ATP9B: variants seen among roughly 807,000 people sequenced by gnomAD.
ATP9B encodes the protein ATPase phospholipid transporting 9B.
A neutral mutation model predicts 146.1 loss-of-function variants in ATP9B; 110 were observed. The observed-to-expected ratio is 0.75, with a 90% CI of 0.65 to 0.88. The LOEUF (loss-of-function observed/expected upper bound fraction) is 0.88. Ranked by LOEUF, ATP9B falls within the 40% of genes least tolerant of loss-of-function variation. The pLI is 0.00. For synonymous variants in ATP9B, 604 were observed against 569.7 expected (o/e 1.06, Z -0.86); for missense variants, 1,499 against 1,496.4 (o/e 1.00, Z -0.03).
rs1207525590 is a variant in ATP9B, at chr18:79,113,416, T to G, written c.558+62T>G. ...AATATTTAGAATATAGTTTTAAGAG[T>G]TGAGATGGTTAAAAGTTAAATTGAC... On this transcript the variant is annotated intron_variant, in intron 4 of 29. Transcript: ENST00000426216. 9 of 1,052,950 alleles carry G rather than the reference T, an allele frequency of 8.5e-6. No individual in the cohort carries two copies. In the East Asian group the frequency reaches 1.8e-4, roughly 22 times the overall value. 65.2% of individuals were successfully genotyped at this position (1,052,950 alleles called of 1,614,324 possible).
chr18:79,245,603 G>GGAGGGCACCGCCCTAATGACTGTGCA (rs2095939990), intron 11 of ATP9B, among the ~76,000 whole-genome samples: 1 of 96,384 alleles, frequency 1.0e-5, no homozygotes, highest in East Asian at 3.5e-4. Flanking sequence ...ATGACTGTGC[G>GGAGGGCACCGCCCTAATGACTGTGCA]GAGGGTACCA....
intron 12 of ATP9B, among the ~76,000 whole-genome samples, chr18:79,263,667 GTAT>G (rs1318260910): frequency 1.3e-5 from 2 of 152,222 alleles, no homozygotes; most frequent in Non-Finnish European, 2.9e-5. Context: ...ACACTCCAGT[GTAT>G]TCAGTGATCC....
chr18:79,235,429 C>T (rs1391168122), intron 11 of ATP9B, among the ~76,000 whole-genome samples: 1 of 152,118 alleles, frequency 6.6e-6, no homozygotes, highest in African/African-American at 2.4e-5. Flanking sequence ...TACTTGTTTT[C>T]TGTGACACTT....
At chr18:79,345,938 C>G in intron 23 of ATP9B, 99 bp downstream of exon 23, 1 of 1,299,770 alleles carries the variant, frequency 7.7e-7, no homozygotes, top group Non-Finnish European at 1.1e-6. Flanking sequence ...CCTACTTGGT[C>G]AGTGCACGTC....
intron 13 of ATP9B, among the ~76,000 whole-genome samples, chr18:79,283,021 T>G (rs1332748558): frequency 1.3e-5 from 2 of 152,252 alleles, no homozygotes; most frequent in Non-Finnish European, 2.9e-5. Context: ...CTTGCCTTTG[T>G]GAGGCCTCTA....
chr18:79,339,367 T>C (rs1543069), intron 19 of ATP9B, among the ~76,000 whole-genome samples: 134,098 of 149,654 alleles, frequency 0.9, 60,223 homozygotes, highest in East Asian at 1. Context: ...CTATCATATC[T>C]GTCTGAGATC....
intron 2 of ATP9B, among the ~76,000 whole-genome samples, chr18:79,098,398 A>T (rs200318177): frequency 6.9e-6 from 1 of 145,328 alleles, no homozygotes; most frequent in South Asian, 2.3e-4. Flanking sequence ...TAATTAAACT[A>T]AAGAGCTTCT....
chr18:79,253,287 T>C lies in ATP9B; in HGVS notation c.1108-94T>C, dbSNP rs994897802. The C allele has an allele frequency of 3.7e-6, 4 of 1,072,166 alleles. 1 individual carries two copies. In the African/African-American group the frequency reaches 6.6e-5, roughly 18 times the overall value. 66.4% of individuals were successfully genotyped at this position (1,072,166 alleles called of 1,614,324 possible). On this transcript the variant is annotated intron_variant, in intron 11 of 29. Coordinates refer to ENST00000426216, the MANE Select transcript of ATP9B (RefSeq NM_198531.5). The stretch of plus-strand genomic sequence containing the variant: ...AGGCTAATACCAATAAATTTTAAAG[T>C]TTTTTTTTTATGTCATCACTACCAT...
chr18:79,182,300 CGGCCGGACATACT>C (rs926682886), intron 8 of ATP9B, among the ~76,000 whole-genome samples: 8 of 152,186 alleles, frequency 5.3e-5, no homozygotes, highest in Non-Finnish European at 7.3e-5. Context: ...GGTTCTCCTC[CGGCCGGACATACT>C]CTTACCCTGT....
At chr18:79,139,510 G>A (rs893641346) in intron 5 of ATP9B, among the ~76,000 whole-genome samples, 1 of 152,172 alleles carries the variant, frequency 6.6e-6, no homozygotes, top group African/African-American at 2.4e-5. Flanking sequence ...CAAAGTGGCT[G>A]TATTTTATTT....
intron 1 of ATP9B, among the ~76,000 whole-genome samples, chr18:79,075,540 CT>C (rs2072501502): frequency 1.3e-5 from 2 of 152,160 alleles, no homozygotes; most frequent in East Asian, 3.9e-4. Flanking sequence ...TGCATTGACA[CT>C]TTTATCATTA....
At chr18:79,209,687 G>A (rs552525059) in intron 10 of ATP9B, 15 of 985,078 alleles carry the variant, frequency 1.5e-5, no homozygotes, top group South Asian at 9.4e-5. Flanking sequence ...GCATGAAGAC[G>A]GCTTTAAAAC....
In ATP9B at chr18:79,084,630, CTAAA is replaced by C. The variant is rs1229979345; in HGVS notation, c.120-11843_120-11840del. On this transcript the variant is annotated intron_variant, in intron 1 of 29. Coordinates refer to ENST00000426216, the MANE Select transcript of ATP9B (RefSeq NM_198531.5). ...AGATATCCACATTGGCGGTTGAAAA[CTAAA>C]TAGTTATTAGAAAAACAGCTTTCAT... 3.9e-5 allele frequency among the ~76,000 whole-genome samples: 6 copies of C among 151,970 alleles called. No homozygotes were observed. The East Asian group carries it at 1.2e-3, about 29-fold the overall frequency.
At chr18:79,288,752 C>T (rs8085398) in intron 13 of ATP9B, among the ~76,000 whole-genome samples, 66,630 of 151,964 alleles carry the variant, frequency 0.44, 14,800 homozygotes, top group Middle Eastern at 0.55. Context: ...GCGGCTGGTA[C>T]CAGTTGTTCC....
At chr18:79,376,234 G>C in intron 29 of ATP9B, 1 of 928,062 alleles carries the variant, frequency 1.1e-6, no homozygotes, top group Admixed American at 9.4e-5. Flanking sequence ...CAAAAAAATG[G>C]CTAGCCTAGA....
intron 11 of ATP9B, among the ~76,000 whole-genome samples, chr18:79,247,832 GA>G (rs1198339056): frequency 6.6e-6 from 1 of 152,132 alleles, no homozygotes; most frequent in Non-Finnish European, 1.5e-5. Flanking sequence ...GCAAGCAAGG[GA>G]AAAAGCTTAA....
intron 10 of ATP9B, among the ~76,000 whole-genome samples, chr18:79,211,692 T>C (rs1023614113): frequency 6.6e-6 from 1 of 152,212 alleles, no homozygotes; most frequent in African/African-American, 2.4e-5. Flanking sequence ...TTGGGATAAA[T>C]GAAGTTAAAT....
At chr18:79,238,788 G>A (rs1351616851) in intron 11 of ATP9B, among the ~76,000 whole-genome samples, 2 of 152,154 alleles carry the variant, frequency 1.3e-5, no homozygotes, top group African/African-American at 4.8e-5. Context: ...TGGTGATCAT[G>A]GAGGAACCGC....
At chr18:79,095,279 T>C (rs1459786777) in intron 1 of ATP9B, among the ~76,000 whole-genome samples, 1 of 152,196 alleles carries the variant, frequency 6.6e-6, no homozygotes, top group East Asian at 1.9e-4. Context: ...CCAAGCTTGC[T>C]GCCTTGGCTC....
Sources: allele counts gnomAD v4.1 joint callset (sites outside exome capture counted in the v4.1 genomes callset), GRCh38; gene constraint gnomAD v4.1.1; transcripts MANE v1.5; gene names NCBI Gene and HGNC (gene_info 2026-07-23, HGNC 2026-07-21).